The following PDE8B variants were observed in gnomAD, a reference collection of about 807,000 sequenced individuals.
The protein encoded by PDE8B is high affinity cAMP-specific and IBMX-insensitive 3',5'-cyclic phosphodiesterase 8B.
Under a neutral mutation model 101.3 loss-of-function variants are expected in PDE8B, and 26 were observed. The observed-to-expected ratio is 0.26, with a 90% confidence interval of 0.19 to 0.36. The LOEUF is 0.36. Among genes scored for constraint, PDE8B ranks in the 10% least tolerant of loss-of-function variants. The probability of loss-of-function intolerance (pLI) is 1.00; values close to 1 mark genes in which losing one functional copy is unlikely to be tolerated. For missense variants in PDE8B, 810 were observed against 1,163.1 expected (o/e 0.70, Z 4.42); for synonymous variants, 424 against 429.3 (o/e 0.99, Z 0.15).
At chr5:77,254,171 C>A (rs1758637916) in intron 1 of PDE8B, among the ~76,000 whole-genome samples, 1 of 151,968 alleles carries the variant, frequency 6.6e-6, no homozygotes, top group African/African-American at 2.4e-5. Flanking sequence ...GGTTGCTAAG[C>A]AACTAGATTA....
intron 10 of PDE8B, among the ~76,000 whole-genome samples, chr5:77,378,110 A>G (rs1233023868): frequency 6.6e-6 from 1 of 151,722 alleles, no homozygotes; most frequent in Non-Finnish European, 1.5e-5. Flanking sequence ...CCATTTACCA[A>G]TGACGAAACT....
the PDE8B span, among the ~76,000 whole-genome samples, chr5:77,148,723 GTTGT>G: frequency 6.6e-6 from 1 of 152,202 alleles, no homozygotes; most frequent in South Asian, 2.1e-4. Flanking sequence ...TAAAAATCGA[GTTGT>G]TTTTCTTATT....
At chr5:77,106,462 T>A in the PDE8B span, among the ~76,000 whole-genome samples, 98 of 152,350 alleles carry the variant, frequency 6.4e-4, 1 homozygote, top group African/African-American at 2.3e-3. Context: ...TGACCATACA[T>A]GTTTGGGTCT....
chr5:77,206,616 G>A (rs563046870), upstream of PDE8B, among the ~76,000 whole-genome samples: 15 of 152,300 alleles, frequency 9.8e-5, no homozygotes, highest in African/African-American at 2.9e-4. Flanking sequence ...CTGGAGCAGT[G>A]AGGGTGGGCT....
chr5:77,116,995 G>T, the PDE8B span, among the ~76,000 whole-genome samples: 12 of 152,122 alleles, frequency 7.9e-5, no homozygotes, highest in Non-Finnish European at 1.8e-4. Flanking sequence ...TTCTACACCC[G>T]GTTTCCACCT....
Position 77,253,373 on chromosome 5 carries a change from G to T in PDE8B, c.339+42109G>T, listed in dbSNP as rs547886282. On this transcript the variant is annotated intron_variant, in intron 1 of 21. Transcript: ENST00000264917. The stretch of plus-strand genomic sequence containing the variant: ...ATGAGAGGTGCTATTTGCTGCTGTT[G>T]TATTTTCCTTAGCAGTTTTCCCCTT... Among the ~76,000 whole-genome samples, 9 of 152,268 alleles carry T rather than the reference G, an allele frequency of 5.9e-5. No homozygotes were observed. In the South Asian group the frequency reaches 8.3e-4, roughly 14 times the overall value.
At chr5:77,171,850 C>G in the PDE8B span, among the ~76,000 whole-genome samples, 1 of 152,104 alleles carries the variant, frequency 6.6e-6, no homozygotes. Context: ...ATTGGCTGAA[C>G]CTGACTGACT....
chr5:77,283,700 C>T (rs1765464420), intron 1 of PDE8B, among the ~76,000 whole-genome samples: 2 of 152,140 alleles, frequency 1.3e-5, no homozygotes, highest in Admixed American at 1.3e-4. Flanking sequence ...AATATTCCAT[C>T]ATTAGAATGT....
chr5:77,162,613 C>G, the PDE8B span, among the ~76,000 whole-genome samples: 2 of 152,134 alleles, frequency 1.3e-5, no homozygotes, highest in Non-Finnish European at 2.9e-5. Context: ...ACATATACAA[C>G]CAGTTGATTT....
intron 2 of PDE8B, 95 bp downstream of exon 2, chr5:77,312,148 G>A: frequency 2.3e-6 from 2 of 865,226 alleles, no homozygotes; most frequent in South Asian, 2.8e-5. Context: ...CTGTTGCCCA[G>A]GCTGGAGTGT....
At chr5:77,423,631 A>ATTTTTTTTT (rs1561699532) in intron 20 of PDE8B, among the ~76,000 whole-genome samples, 1 of 26,618 alleles carries the variant, frequency 3.8e-5, no homozygotes, top group Non-Finnish European at 8.1e-5. Context: ...TGTTTTGTTT[A>ATTTTTTTTT]GTTTTTTTTT....
chr5:77,130,241 A>G, the PDE8B span, among the ~76,000 whole-genome samples: 2 of 152,234 alleles, frequency 1.3e-5, no homozygotes, highest in Non-Finnish European at 2.9e-5. Context: ...CAGAGTAGCT[A>G]TCTGCAAAAG....
intron 5 of PDE8B, among the ~76,000 whole-genome samples, chr5:77,334,992 C>A (rs866578571): frequency 6.6e-6 from 1 of 152,218 alleles, no homozygotes; most frequent in Non-Finnish European, 1.5e-5. Flanking sequence ...TCTGAGAAGT[C>A]CCATAGTAAA....
chr5:77,418,086 C>T, intron 17 of PDE8B, 143 bp from the exon 18 acceptor site: 1 of 702,004 alleles, frequency 1.4e-6, no homozygotes, highest in Middle Eastern at 3.6e-4. Flanking sequence ...GCCGCCTCTC[C>T]ACATCTAGGT....
chr5:77,298,746 C>A (rs1769186911), intron 1 of PDE8B, among the ~76,000 whole-genome samples: 1 of 152,138 alleles, frequency 6.6e-6, no homozygotes, highest in African/African-American at 2.4e-5. Context: ...GCTTTAGAGA[C>A]TTTGAACTAA....
At chr5:77,167,629 T>C in the PDE8B span, among the ~76,000 whole-genome samples, 1 of 152,134 alleles carries the variant, frequency 6.6e-6, no homozygotes, top group South Asian at 2.1e-4. Flanking sequence ...ACCTTTCTCC[T>C]ATCCAGGAAG....
chr5:77,236,009 G>T (rs181806633), intron 1 of PDE8B, among the ~76,000 whole-genome samples: 2 of 152,292 alleles, frequency 1.3e-5, no homozygotes, highest in African/African-American at 4.8e-5. Flanking sequence ...GCAAAGTCAC[G>T]ATTGACACCC....
chr5:77,422,433 C>T (rs933856145), intron 20 of PDE8B, among the ~76,000 whole-genome samples: 15 of 152,010 alleles, frequency 9.9e-5, no homozygotes, highest in African/African-American at 3.6e-4. Context: ...AAGTGTATCT[C>T]AAGGAAGTTT....
chr5:77,271,539 T>A (rs1343388524), intron 1 of PDE8B, among the ~76,000 whole-genome samples: 2 of 152,152 alleles, frequency 1.3e-5, no homozygotes, highest in East Asian at 3.8e-4. Context: ...CTGGGGAAGT[T>A]TATTTATTTG....
Sources: gnomAD v4.1 joint callset for allele counts (sites outside exome capture counted in the v4.1 genomes callset) on GRCh38, gnomAD v4.1.1 for gene constraint, MANE v1.5 for transcripts, NCBI Gene and HGNC (gene_info 2026-07-23, HGNC 2026-07-21) for gene names.